NID1: variants seen among roughly 807,000 people sequenced by gnomAD.
NID1 encodes nidogen-1.
A neutral mutation model predicts 130.6 loss-of-function variants in NID1; 76 were observed. The ratio of observed to expected loss-of-function variants is 0.58; its 90% CI spans 0.48 to 0.70. The LOEUF (loss-of-function observed/expected upper bound fraction) is 0.70. NID1 is among the 30% of genes least tolerant of loss of function. The pLI is 0.00. For synonymous variants in NID1, 665 were observed against 675.1 expected (o/e 0.98, Z 0.23); for missense variants, 1,517 against 1,664.8 (o/e 0.91, Z 1.54).
rs373979671 is a variant in NID1 at position 235,984,722 on chromosome 1, A to G, written c.3055+657T>C. Among the ~76,000 whole-genome samples, 141 of 152,316 alleles carry G rather than the reference A, an allele frequency of 9.3e-4. 1 individual carries two copies. The highest frequency in any genetic ancestry group is 3.0e-3 in the African/African-American group (123 of 41,558). ...CATTTCAGCACAGTGGAATTTTTAG[A>G]GGCCTTTGGATTTTTGTTGTAATGG... is the stretch of plus-strand genomic sequence containing the variant. On this transcript the variant is annotated intron_variant, in intron 15 of 19. Transcript: ENST00000264187.
intron 4 of NID1, among the ~76,000 whole-genome samples, chr1:236,039,484 G>A (rs1214775460): frequency 6.6e-6 from 1 of 151,720 alleles, no homozygotes; most frequent in Non-Finnish European, 1.5e-5. Context: ...CAAAAATAAT[G>A]CCCTAGTCAC....
At chr1:236,026,176 G>C (rs745810357) in intron 7 of NID1, 35 bp from the exon 8 acceptor site, 1 of 1,606,952 alleles carries the variant, frequency 6.2e-7, no homozygotes, top group Admixed American at 1.7e-5. Context: ...GACAAGGCAG[G>C]GAGACAGAGG....
chr1:236,045,717 A>G (rs376220141), intron 2 of NID1, 34 bp from the exon 3 acceptor site: 4 of 1,512,996 alleles, frequency 2.6e-6, no homozygotes, highest in African/African-American at 2.8e-5. Flanking sequence ...GTTACTCGGA[A>G]AAATATCGAT....
intron 13 of NID1, 136 bp downstream of exon 13, chr1:235,993,509 A>T: frequency 1.3e-6 from 1 of 762,958 alleles, no homozygotes; most frequent in African/African-American, 1.7e-5. Flanking sequence ...AGGGTGCAGC[A>T]GGAGCGGGTG....
At chr1:236,013,342 C>A in intron 11 of NID1, 69 bp downstream of exon 11, 1 of 1,551,692 alleles carries the variant, frequency 6.4e-7, no homozygotes, top group Non-Finnish European at 8.8e-7. Context: ...TGGTGATTGG[C>A]ACATGACAGG....
chr1:236,038,903 T>TATTA (rs1659351321), intron 4 of NID1, among the ~76,000 whole-genome samples: 45 of 82,342 alleles, frequency 5.5e-4, no homozygotes, highest in African/African-American at 1.4e-3. Flanking sequence ...AGGTCATATA[T>TATTA]AACATAAATA....
chr1:235,983,313 G>A (rs1657489287), intron 15 of NID1, among the ~76,000 whole-genome samples: 1 of 152,174 alleles, frequency 6.6e-6, no homozygotes. Context: ...GCCCGCCAGA[G>A]GAAGTTTATT....
chr1:236,009,592 T>C (rs1448057386), intron 12 of NID1, among the ~76,000 whole-genome samples: 1 of 152,232 alleles, frequency 6.6e-6, no homozygotes, highest in Admixed American at 6.5e-5. Flanking sequence ...TATTTTCACA[T>C]AGGCTTATGT....
intron 12 of NID1, among the ~76,000 whole-genome samples, chr1:235,994,898 T>C (rs184667146): frequency 1.8e-4 from 28 of 152,312 alleles, no homozygotes; most frequent in Non-Finnish European, 3.2e-4. Context: ...GGTTTCACCA[T>C]GTTGGCCACG....
intron 1 of NID1, among the ~76,000 whole-genome samples, chr1:236,050,032 T>C (rs956077210): frequency 1.5e-5 from 2 of 137,590 alleles, no homozygotes; most frequent in Non-Finnish European, 3.1e-5. Context: ...CAAGACTTCA[T>C]CTCAGGGGAA....
chr1:235,995,949 C>T lies in NID1; in HGVS notation c.2528-2077G>A, dbSNP rs187275140. Among the ~76,000 whole-genome samples the T allele has an allele frequency of 2.8e-3, 425 of 152,284 alleles. 1 individual carries two copies. The highest frequency in any genetic ancestry group is 4.9e-3 in the Non-Finnish European group (334 of 68,018). On this transcript the variant is annotated intron_variant, in intron 12 of 19. Transcript: ENST00000264187. ...CCAAGGAGGGAGGATCACTTGAGTC[C>T]AGGAGTTCAAGAACTGGGCAACACA...
At chr1:236,039,980 G>A (rs3768085) in intron 4 of NID1, among the ~76,000 whole-genome samples, 9,928 of 152,250 alleles carry the variant, frequency 0.065, 429 homozygotes, top group East Asian at 0.13. Flanking sequence ...AATAACTGGG[G>A]TAGAGGGACA....
intron 14 of NID1, among the ~76,000 whole-genome samples, chr1:235,989,762 C>T (rs1417115623): frequency 6.6e-6 from 1 of 152,194 alleles, no homozygotes; most frequent in African/African-American, 2.4e-5. Flanking sequence ...GATGTTTTGG[C>T]AGAAATTTGC....
chr1:236,011,045 G>T (rs1658394485), intron 12 of NID1, among the ~76,000 whole-genome samples: 1 of 152,050 alleles, frequency 6.6e-6, no homozygotes, highest in Non-Finnish European at 1.5e-5. Flanking sequence ...AAAAAAAAGT[G>T]TACCTGCACC....
chr1:236,028,824 A>C (rs1659015785), intron 7 of NID1, among the ~76,000 whole-genome samples: 2 of 152,094 alleles, frequency 1.3e-5, no homozygotes, highest in Non-Finnish European at 2.9e-5. Flanking sequence ...GTTTTCACGT[A>C]AGTTTGATAT....
intron 10 of NID1, among the ~76,000 whole-genome samples, chr1:236,014,991 C>G (rs1376676486): frequency 1.3e-5 from 2 of 152,148 alleles, no homozygotes; most frequent in Non-Finnish European, 2.9e-5. Flanking sequence ...GATGGAAGTC[C>G]ACAAACATCC....
At chr1:236,024,325 G>A in intron 8 of NID1, 112 bp from the exon 9 acceptor site, 1 of 1,315,332 alleles carries the variant, frequency 7.6e-7, no homozygotes, top group Non-Finnish European at 1.0e-6. Flanking sequence ...TCACAGAAGA[G>A]CAGAGTGGAA....
At chr1:236,040,171 T>C (rs1197740729) in intron 4 of NID1, among the ~76,000 whole-genome samples, 1 of 151,936 alleles carries the variant, frequency 6.6e-6, no homozygotes, top group African/African-American at 2.4e-5. Flanking sequence ...AAACCCAACA[T>C]ATGCAAGGAA....
intron 5 of NID1, among the ~76,000 whole-genome samples, chr1:236,037,710 C>G (rs1267479226): frequency 6.6e-6 from 1 of 151,322 alleles, no homozygotes; most frequent in Non-Finnish European, 1.5e-5. Context: ...ATTAGAGAGA[C>G]TCTAAGAAAA....
Sources: allele counts gnomAD v4.1 joint callset (sites outside exome capture counted in the v4.1 genomes callset), GRCh38; gene constraint gnomAD v4.1.1; transcripts MANE v1.5; gene names NCBI Gene and HGNC (gene_info 2026-07-23, HGNC 2026-07-21).